Variants in FRMD4A observed in about 807,000 individuals in gnomAD.
The protein encoded by FRMD4A is FERM domain-containing protein 4A.
In FRMD4A, 29 loss-of-function variants were observed where a neutral mutation model predicts 129.1. That is an observed-to-expected ratio of 0.22 (90% CI 0.17 to 0.31). The LOEUF is 0.31. Among genes scored for constraint, FRMD4A ranks in the 10% least tolerant of loss-of-function variants. The pLI is 1.00. For synonymous variants in FRMD4A, 634 were observed against 571.6 expected (o/e 1.11, Z -1.56); for missense variants, 1,272 against 1,375.8 (o/e 0.92, Z 1.19).
At chr10:14,193,862 C>G (rs551893684) in intron 2 of FRMD4A, among the ~76,000 whole-genome samples, 1 of 152,218 alleles carries the variant, frequency 6.6e-6, no homozygotes, top group South Asian at 2.1e-4. Flanking sequence ...CTTCTTGGTC[C>G]CTAAAAGGTT....
intron 2 of FRMD4A, among the ~76,000 whole-genome samples, chr10:14,285,693 A>T (rs1302213356): frequency 1.3e-5 from 2 of 152,206 alleles, no homozygotes; most frequent in African/African-American, 4.8e-5. Flanking sequence ...GGTGTTAAGT[A>T]CTTATTGTAG....
chr10:13,778,420 C>A (rs10796119), intron 6 of FRMD4A, among the ~76,000 whole-genome samples: 90,469 of 151,866 alleles, frequency 0.6, 29,123 homozygotes, highest in East Asian at 0.82. Context: ...TGGGTTTGAG[C>A]CCAGTTTAAG....
intron 12 of FRMD4A, among the ~76,000 whole-genome samples, chr10:13,713,410 A>G (rs1387802003): frequency 6.6e-6 from 1 of 152,180 alleles, no homozygotes; most frequent in Non-Finnish European, 1.5e-5. Context: ...GTCTCTATAT[A>G]AGAAGAATTA....
At chr10:13,677,599 A>G (rs1338319202) in intron 15 of FRMD4A, among the ~76,000 whole-genome samples, 1 of 152,148 alleles carries the variant, frequency 6.6e-6, no homozygotes, top group Non-Finnish European at 1.5e-5. Flanking sequence ...GCTGAACATT[A>G]TTGCAGGTTC....
intron 2 of FRMD4A, among the ~76,000 whole-genome samples, chr10:14,143,852 G>C (rs1839954381): frequency 6.6e-6 from 1 of 151,986 alleles, no homozygotes; most frequent in Non-Finnish European, 1.5e-5. Flanking sequence ...CAGGTGATCT[G>C]TGTGCCTCAG....
chr10:13,668,153 A>G (rs1269093757), intron 17 of FRMD4A: 1 of 152,274 alleles, frequency 6.6e-6, no homozygotes, highest in East Asian at 1.9e-4. Flanking sequence ...GGTGAAGGTT[A>G]AAGAGAACTA....
At chr10:14,174,927 G>A (rs114898317) in intron 2 of FRMD4A, among the ~76,000 whole-genome samples, 3 of 149,130 alleles carry the variant, frequency 2.0e-5, no homozygotes, top group Admixed American at 6.8e-5. Context: ...GTGGACGCGC[G>A]CGTACGGGCA....
chr10:13,681,782 C>T (rs530334462), intron 15 of FRMD4A, among the ~76,000 whole-genome samples: 1 of 152,206 alleles, frequency 6.6e-6, no homozygotes, highest in Non-Finnish European at 1.5e-5. Flanking sequence ...TGTAACCTCT[C>T]GAAGTCTGTT....
At chr10:13,965,274 T>G (rs1588596530) in intron 2 of FRMD4A, among the ~76,000 whole-genome samples, 1 of 152,088 alleles carries the variant, frequency 6.6e-6, no homozygotes, top group African/African-American at 2.4e-5. Flanking sequence ...AGAGATCTTA[T>G]CAAGATATGG....
Position 13,810,926 on chromosome 10 carries a change from T to G in FRMD4A, c.112-18A>C. On this transcript the variant is annotated intron_variant, in intron 3 of 24. Coordinates refer to ENST00000357447, the MANE Select transcript of FRMD4A (RefSeq NM_018027.5). ...AGCTTGGGCTGCAAGAAGAATACAA[T>G]GGAAGAAGGGTAAGTGATGAGAGAC... The G allele has an allele frequency of 7.4e-7, 1 of 1,352,922 alleles. No individual in the cohort carries two copies. The highest frequency in any genetic ancestry group is 1.2e-5 in the South Asian group (1 of 84,368). 83.8% of individuals were successfully genotyped at this position (1,352,922 alleles called of 1,614,324 possible). A position where few individuals can be genotyped will look rare whatever the true frequency, so the allele number is the denominator to read the frequency against.
intron 3 of FRMD4A, among the ~76,000 whole-genome samples, chr10:13,847,695 T>C (rs2094073231): frequency 1.3e-5 from 2 of 152,168 alleles, no homozygotes; most frequent in South Asian, 4.1e-4. Flanking sequence ...ACAGCAGAGC[T>C]GAGGAAGAAC....
intron 2 of FRMD4A, among the ~76,000 whole-genome samples, chr10:14,000,361 C>A (rs777260840): frequency 6.6e-6 from 1 of 151,832 alleles, no homozygotes; most frequent in Non-Finnish European, 1.5e-5. Flanking sequence ...AGCCATTTCC[C>A]CCGGGGCAGG....
At chr10:13,801,378 C>T (rs1442274366) in intron 4 of FRMD4A, among the ~76,000 whole-genome samples, 3 of 152,206 alleles carry the variant, frequency 2.0e-5, no homozygotes, top group African/African-American at 7.2e-5. Context: ...TTTCCTTCCT[C>T]CACTTCCCCT....
At chr10:13,913,207 A>G (rs2094962215) in intron 2 of FRMD4A, among the ~76,000 whole-genome samples, 1 of 152,220 alleles carries the variant, frequency 6.6e-6, no homozygotes, top group Non-Finnish European at 1.5e-5. Context: ...GTCTGAGTCC[A>G]CTGATATGAA....
At chr10:14,047,977 A>T (rs142988052) in intron 2 of FRMD4A, among the ~76,000 whole-genome samples, 1 of 152,356 alleles carries the variant, frequency 6.6e-6, no homozygotes, top group East Asian at 1.9e-4. Flanking sequence ...CAACAAATGT[A>T]TAAGGCATTT....
At chr10:14,148,037 C>T (rs966973288) in intron 2 of FRMD4A, among the ~76,000 whole-genome samples, 52 of 152,228 alleles carry the variant, frequency 3.4e-4, no homozygotes, top group African/African-American at 1.0e-3. Context: ...CTGTCTGGGA[C>T]GATAAACTCA....
intron 2 of FRMD4A, among the ~76,000 whole-genome samples, chr10:14,028,435 G>C (rs1299739290): frequency 6.6e-6 from 1 of 152,158 alleles, no homozygotes; most frequent in South Asian, 2.1e-4. Flanking sequence ...GGATGAGGGA[G>C]AGTCACTGAC....
intron 12 of FRMD4A, among the ~76,000 whole-genome samples, chr10:13,710,240 G>A (rs1337201805): frequency 1.3e-5 from 2 of 152,190 alleles, no homozygotes; most frequent in Non-Finnish European, 2.9e-5. Context: ...TGCCTTTCAT[G>A]GGAAGCCCCC....
At chr10:14,115,625 G>A (rs1209810820) in intron 2 of FRMD4A, among the ~76,000 whole-genome samples, 1 of 152,170 alleles carries the variant, frequency 6.6e-6, no homozygotes, top group Non-Finnish European at 1.5e-5. Flanking sequence ...GTTTGGTGCT[G>A]TCCTTGGGGT....
Sources: gnomAD v4.1 joint callset for allele counts (sites outside exome capture counted in the v4.1 genomes callset) on GRCh38, gnomAD v4.1.1 for gene constraint, MANE v1.5 for transcripts, NCBI Gene and HGNC (gene_info 2026-07-23, HGNC 2026-07-21) for gene names.